DNAAF1: variants seen among roughly 807,000 people sequenced by gnomAD.
DNAAF1 encodes the protein dynein axonemal assembly factor 1, also known as dynein assembly factor 1, axonemal.
In DNAAF1, 65 loss-of-function variants were observed where a neutral mutation model predicts 71.1. That is an observed-to-expected ratio of 0.91 (90% CI 0.75 to 1.12). The LOEUF is 1.12. DNAAF1 is among the 50% of genes most tolerant of loss of function. DNAAF1 has a pLI of 0.00. For synonymous variants in DNAAF1, 414 were observed against 354.6 expected, an observed-to-expected ratio of 1.17 and a Z score of -1.88; for missense variants, 1,178 against 899.8, an observed-to-expected ratio of 1.31 and a Z score of -3.96.
At chr16:84,175,842 T>G in intron 10 of DNAAF1, 91 bp from the exon 11 acceptor site, 1 of 1,471,694 alleles carries the variant, frequency 6.8e-7, no homozygotes, top group Non-Finnish European at 9.4e-7. Flanking sequence ...CTTTGTGACA[T>G]TGGGTGAAAA....
intron 1 of DNAAF1, among the ~76,000 whole-genome samples, chr16:84,147,251 A>G (rs913369517): frequency 3.9e-5 from 6 of 152,172 alleles, no homozygotes; most frequent in African/African-American, 1.2e-4. Context: ...TTCCACAAAC[A>G]TTTATCTGTT....
At chr16:84,150,434 T>C in intron 3 of DNAAF1, 92 bp downstream of exon 3, 1 of 922,742 alleles carries the variant, frequency 1.1e-6, no homozygotes, top group Non-Finnish European at 1.8e-6. Flanking sequence ...CCTTTAGTTC[T>C]CAGAATGTAT....
chr16:84,154,803 G>A lies in DNAAF1; in HGVS notation c.574+5G>A. 2 of 1,609,770 alleles carry A rather than the reference G, an allele frequency of 1.2e-6. No homozygotes were observed. The highest frequency in any genetic ancestry group is 1.3e-5 in the African/African-American group (1 of 74,934). ...TCAAGACCATTGAAAACCTCTGTAA[G>A]GGTACCCAGCAAGCAGTGTGTCTGT... is the stretch of plus-strand genomic sequence containing the variant. On this transcript the variant is annotated splice_donor_5th_base_variant and intron_variant, in intron 4 of 11. Transcript: ENST00000378553.
At chr16:84,147,808 G>A (rs1001416214) in intron 1 of DNAAF1, among the ~76,000 whole-genome samples, 3 of 152,084 alleles carry the variant, frequency 2.0e-5, no homozygotes, top group African/African-American at 4.8e-5. Flanking sequence ...GCTCACGCCT[G>A]TAATCCCAGC....
rs59511758 is a variant in DNAAF1 at position 84,164,745 on chromosome 16, G to A, written c.864-1038G>A. ...TAAACGTCCATGTGCAGGTTTGCGT[G>A]TGGACATAAGTCTTCAACTCATTTG... On this transcript the variant is annotated intron_variant, in intron 6 of 11. Transcript: ENST00000378553. Among the ~76,000 whole-genome samples, 8 of 152,344 alleles carry A rather than the reference G, an allele frequency of 5.3e-5. No homozygotes were observed. The East Asian group carries it at 9.6e-4, about 18-fold the overall frequency.
Position 84,169,939 on chromosome 16 carries a change from A to G in DNAAF1, c.1111A>G (p.Thr371Ala). ...GGAGGAGCCTCCCGGGGACAGAGAA[A>G]CAAGGCAGAAGATGGAGCTATTTGT... ...GKEEPPGDRE[T>A]RQKMELFVKE... The change falls in exon 8 of 12, where the codon ACA becomes GCA. Residue 371 changes from threonine to alanine, a missense_variant. By Grantham distance (58) the Thr-to-Ala change is moderately conservative (BLOSUM62 0). Transcript: ENST00000378553. 6.2e-7 allele frequency: 1 copy of G among 1,614,174 alleles called. No homozygotes were observed. The highest frequency in any genetic ancestry group is 1.7e-4 in the Middle Eastern group (1 of 5,992).
chr16:84,168,244 T>A (rs554056535), intron 7 of DNAAF1, among the ~76,000 whole-genome samples: 1 of 152,278 alleles, frequency 6.6e-6, no homozygotes, highest in South Asian at 2.1e-4. Context: ...TGTGGCATCT[T>A]CCAGCCTCAT....
chr16:84,177,739 G>C lies in DNAAF1; in HGVS notation c.2076G>C (p.Glu692Asp). The change falls in exon 12 of 12, where the codon GAG (glutamate) becomes GAC (aspartate). Residue 692 changes from glutamate to aspartate, a missense_variant. Glu to Asp is a conservative substitution (Grantham distance 45, BLOSUM62 2). Coordinates refer to ENST00000378553, the MANE Select transcript of DNAAF1 (RefSeq NM_178452.6). ...FLAASSPVPT[E>D]SAATPPETCV... ...CCCTTCCTTCCACAGTGCCGACTGA[G>C]AGCGCCGCCACACCCCCAGAGACGT... 1 of 1,613,876 alleles carries C rather than the reference G, an allele frequency of 6.2e-7. No homozygotes were observed. The highest frequency in any genetic ancestry group is 1.7e-5 in the Admixed American group (1 of 60,024).
At chr16:84,149,690 C>CAAAAAAA (rs11335691) in intron 2 of DNAAF1, among the ~76,000 whole-genome samples, 1 of 94,370 alleles carries the variant, frequency 1.1e-5, no homozygotes, top group Admixed American at 1.2e-4. Flanking sequence ...GACTCCATCT[C>CAAAAAAA]AAAAAAAAAA....
intron 7 of DNAAF1, among the ~76,000 whole-genome samples, chr16:84,168,688 T>C (rs1417237330): frequency 6.6e-6 from 1 of 152,182 alleles, no homozygotes; most frequent in African/African-American, 2.4e-5. Flanking sequence ...TTACTGCATA[T>C]ATTGTCTTTT....
At position 84,169,969 on chromosome 16, in the gene DNAAF1, G is replaced by A. The variant is rs775375979; in HGVS notation, c.1141G>A (p.Glu381Lys). 3.7e-6 allele frequency: 6 copies of A among 1,614,110 alleles called. No individual in the cohort carries two copies. The highest frequency in any genetic ancestry group is 4.2e-6 in the Non-Finnish European group (5 of 1,180,052). Residue 381 changes from glutamate to lysine, a missense_variant, in exon 8 of 12, where the codon GAA (glutamate) becomes AAA (lysine). By Grantham distance (56) the Glu-to-Lys change is moderately conservative. Coordinates refer to ENST00000378553, the MANE Select transcript of DNAAF1 (RefSeq NM_178452.6). ...TRQKMELFVK[E>K]SFEAKDELCP... is the part of the protein sequence containing the mutation. ...GCAGAAGATGGAGCTATTTGTTAAG[G>A]AAAGCTTTGAGGCCAAGGACGAGCT...
intron 1 of DNAAF1, among the ~76,000 whole-genome samples, chr16:84,148,748 A>C (rs1196034054): frequency 6.6e-6 from 1 of 150,808 alleles, no homozygotes; most frequent in East Asian, 2.0e-4. Flanking sequence ...ACAGGCACGC[A>C]CCACTACATC....
chr16:84,166,125 C>G (rs2087974108), intron 7 of DNAAF1, 176 bp downstream of exon 7: 3 of 806,918 alleles, frequency 3.7e-6, no homozygotes, highest in Non-Finnish European at 5.8e-6. Flanking sequence ...GTGATCTTGG[C>G]TCACTGCAAC....
At chr16:84,154,396 C>G (rs78569340) in intron 3 of DNAAF1, among the ~76,000 whole-genome samples, 181 bp from the exon 4 acceptor site, 150 of 152,190 alleles carry the variant, frequency 9.9e-4, no homozygotes, top group Non-Finnish European at 1.5e-3. Context: ...TCTCTCATGA[C>G]CTTATCACCT....
chr16:84,165,673 CAT>C (rs1487835318), intron 6 of DNAAF1, 108 bp from the exon 7 acceptor site: 6 of 1,057,586 alleles, frequency 5.7e-6, no homozygotes, highest in East Asian at 2.4e-5. Flanking sequence ...CTTGCAGTCA[CAT>C]GTCTGATGCT....
rs922114717 is a variant in DNAAF1, at chr16:84,177,779, C to T, written c.2116C>T (p.Gln706Ter). 4.3e-6 allele frequency: 7 copies of T among 1,614,084 alleles called. No homozygotes were observed. Among genetic ancestry groups the T allele is most frequent in the Non-Finnish European group, 5.9e-6 (7 of 1,180,002 alleles). The change falls in exon 12 of 12, where the codon CAG (glutamine) becomes TAG (stop). Residue 706 changes from glutamine to a stop codon, truncating the protein, a stop_gained. Transcript: ENST00000378553. LOFTEE classifies it low-confidence loss of function (END_TRUNC). ...TPPETCVGVA[Q>*]PSQALPTWDL... is the part of the protein sequence containing the mutation. The stretch of plus-strand genomic sequence containing the variant: ...CCCAGAGACGTGTGTCGGAGTTGCC[C>T]AGCCCAGCCAAGCTCTGCCCACGTG...
intron 10 of DNAAF1, chr16:84,175,419 T>C (rs79273445): frequency 5.5e-6 from 1 of 183,242 alleles, no homozygotes; most frequent in East Asian, 1.4e-4. Flanking sequence ...TGGGGAATTC[T>C]CTCAGAGTGA....
At chr16:84,174,803 C>G in intron 10 of DNAAF1, 81 bp downstream of exon 10, 1 of 1,567,686 alleles carries the variant, frequency 6.4e-7, no homozygotes, top group Non-Finnish European at 8.8e-7. Flanking sequence ...CTCTCCTAAA[C>G]TTGAAAGTAA....
intron 1 of DNAAF1, 129 bp downstream of exon 1, chr16:84,145,693 A>C (rs1321104143): frequency 5.6e-6 from 7 of 1,242,338 alleles, no homozygotes; most frequent in Non-Finnish European, 2.2e-6. Flanking sequence ...GGTAGCAAGC[A>C]ACGCTCTGCA....
Sources: gnomAD v4.1 joint callset for allele counts (sites outside exome capture counted in the v4.1 genomes callset) on GRCh38, gnomAD v4.1.1 for gene constraint, MANE v1.5 for transcripts, NCBI Gene and HGNC (gene_info 2026-07-23, HGNC 2026-07-21) for gene names.